Variants in CTNNA3 observed in about 807,000 individuals in gnomAD.
CTNNA3 encodes the protein catenin alpha 3, also known as catenin alpha-3.
CTNNA3 carries 76 observed loss-of-function variants against 95.7 expected under a neutral mutation model. The observed-to-expected ratio is 0.79, with a 90% CI of 0.66 to 0.96. The LOEUF is 0.96. Among genes scored for constraint, CTNNA3 ranks in the 40% least tolerant of loss-of-function variants. CTNNA3 has a pLI of 0.00. For synonymous variants in CTNNA3, 431 were observed against 374.4 expected (o/e 1.15, Z -1.74); for missense variants, 1,191 against 1,089.8 (o/e 1.09, Z -1.31).
chr10:66,355,681 CTT>C (rs2132405560), intron 12 of CTNNA3, among the ~76,000 whole-genome samples: 1 of 151,990 alleles, frequency 6.6e-6, no homozygotes, highest in East Asian at 1.9e-4. Flanking sequence ...ACTTTTCACT[CTT>C]TTAACAGTGC....
intron 7 of CTNNA3, among the ~76,000 whole-genome samples, chr10:66,814,879 T>C (rs1842015655): frequency 7.3e-6 from 1 of 136,466 alleles, no homozygotes; most frequent in South Asian, 2.3e-4. Flanking sequence ...TGAGATGGAG[T>C]CTCGCTCTGT....
At chr10:67,287,674 C>T (rs761968757) in intron 5 of CTNNA3, among the ~76,000 whole-genome samples, 12 of 152,146 alleles carry the variant, frequency 7.9e-5, no homozygotes, top group Non-Finnish European at 1.3e-4. Context: ...AGCCTTGAAA[C>T]GCTCATCAGA....
chr10:66,927,321 A>G lies in CTNNA3; in HGVS notation c.1048-151797T>C. 2 of 1,614,172 alleles carry G rather than the reference A, an allele frequency of 1.2e-6. No individual in the cohort carries two copies. The highest frequency in any genetic ancestry group is 1.7e-6 in the Non-Finnish European group (2 of 1,180,048). On this transcript the variant is annotated intron_variant, in intron 7 of 17. Coordinates refer to ENST00000433211, the MANE Select transcript of CTNNA3 (RefSeq NM_013266.4). This position sits in a 1 kb window ranked among gnomAD's most constrained non-coding sequence, Gnocchi z 4.7. Reference sequence around the variant, plus strand: ...ATACCTTCAGACCTGTGACAAATTTACGGAACTTGGATCTGTCCTATAATC... The same window carrying G: ...ATACCTTCAGACCTGTGACAAATTTGCGGAACTTGGATCTGTCCTATAATC...
rs143183961 is a variant in CTNNA3, at chr10:66,341,822, C to T, written c.1732+37330G>A. On this transcript the variant is annotated intron_variant, in intron 12 of 17. Coordinates refer to ENST00000433211, the MANE Select transcript of CTNNA3 (RefSeq NM_013266.4). ...GTGCTGGTCAGGGGGTTGCTTTCTA[C>T]TGTTGATATTATTCTTTGCGTATTA... is the stretch of plus-strand genomic sequence containing the variant. Among the ~76,000 whole-genome samples, 7 of 151,858 alleles carry T rather than the reference C, an allele frequency of 4.6e-5. No individual in the cohort carries two copies. The East Asian group carries it at 1.4e-3, about 29-fold the overall frequency.
intron 3 of CTNNA3, among the ~76,000 whole-genome samples, chr10:67,562,760 C>A (rs917352966): frequency 2.6e-5 from 4 of 152,156 alleles, no homozygotes; most frequent in Non-Finnish European, 5.9e-5. Context: ...AGCCCAAAAT[C>A]TCCTTAAGCT....
intron 5 of CTNNA3, among the ~76,000 whole-genome samples, chr10:67,420,774 T>C (rs1845719764): frequency 6.6e-6 from 1 of 152,172 alleles, no homozygotes; most frequent in African/African-American, 2.4e-5. Flanking sequence ...TTTATTTTCT[T>C]AGAGCACAAA....
intron 5 of CTNNA3, among the ~76,000 whole-genome samples, chr10:67,221,457 T>G (rs1217136168): frequency 6.6e-6 from 1 of 152,250 alleles, no homozygotes; most frequent in Admixed American, 6.5e-5. Flanking sequence ...ACTAAGTTTC[T>G]TAGCCAAGTG....
At chr10:67,528,604 T>G (rs1411835740) in intron 4 of CTNNA3, among the ~76,000 whole-genome samples, 1 of 152,192 alleles carries the variant, frequency 6.6e-6, no homozygotes, top group Non-Finnish European at 1.5e-5. Flanking sequence ...ACATACCCTC[T>G]CTTAATACAA....
chr10:66,439,322 T>C (rs138515902), intron 11 of CTNNA3, among the ~76,000 whole-genome samples: 162 of 152,306 alleles, frequency 1.1e-3, no homozygotes, highest in African/African-American at 3.7e-3. Context: ...AAAAAAAGGA[T>C]ACTATTTACA....
intron 2 of CTNNA3, among the ~76,000 whole-genome samples, chr10:67,626,180 CAAAAA>C (rs59942742): frequency 7.9e-6 from 1 of 126,966 alleles, no homozygotes; most frequent in African/African-American, 2.6e-5. Flanking sequence ...AACCCTGTCT[CAAAAA>C]AAAAAAAAAA....
intron 11 of CTNNA3, among the ~76,000 whole-genome samples, chr10:66,428,264 T>C (rs1252222241): frequency 1.3e-5 from 2 of 152,008 alleles, no homozygotes; most frequent in African/African-American, 4.8e-5. Context: ...AAGTCCTTAG[T>C]GACCTACAAA....
chr10:66,562,568 T>A (rs1177866051), intron 10 of CTNNA3, among the ~76,000 whole-genome samples: 1 of 152,060 alleles, frequency 6.6e-6, no homozygotes, highest in Non-Finnish European at 1.5e-5. Flanking sequence ...AATTTTACTA[T>A]CCTCGATTAC....
At chr10:67,485,369 G>A (rs997057287) in intron 5 of CTNNA3, among the ~76,000 whole-genome samples, 3 of 152,122 alleles carry the variant, frequency 2.0e-5, no homozygotes, top group Non-Finnish European at 4.4e-5. Context: ...AGGAGTAATA[G>A]CTGAAAAACT....
chr10:67,515,422 A>G (rs1839780596), intron 5 of CTNNA3, among the ~76,000 whole-genome samples: 1 of 152,202 alleles, frequency 6.6e-6, no homozygotes, highest in Non-Finnish European at 1.5e-5. Flanking sequence ...CTCCTTTGGG[A>G]CAAACAACTA....
At chr10:67,440,599 G>A (rs1341446507) in intron 5 of CTNNA3, among the ~76,000 whole-genome samples, 1 of 152,114 alleles carries the variant, frequency 6.6e-6, no homozygotes, top group African/African-American at 2.4e-5. Context: ...GGGGGATTGT[G>A]TTACCCCATC....
intron 10 of CTNNA3, among the ~76,000 whole-genome samples, chr10:66,527,551 T>A (rs889114367): frequency 1.3e-5 from 2 of 152,188 alleles, no homozygotes; most frequent in Non-Finnish European, 2.9e-5. Flanking sequence ...ACATATGATG[T>A]CTTTTCTGTT....
At chr10:67,729,490 T>C (rs987323882) in intron 1 of CTNNA3, among the ~76,000 whole-genome samples, 3 of 152,120 alleles carry the variant, frequency 2.0e-5, no homozygotes, top group Admixed American at 2.0e-4. Flanking sequence ...AAAACAAAAA[T>C]TGTCCTAATT....
chr10:66,637,574 G>T (rs909502208), intron 9 of CTNNA3, among the ~76,000 whole-genome samples: 1 of 152,322 alleles, frequency 6.6e-6, no homozygotes, highest in Non-Finnish European at 1.5e-5. Flanking sequence ...TCTGAAGAAA[G>T]AAATCCCACA....
At chr10:66,196,341 A>G (rs951541598) in intron 13 of CTNNA3, among the ~76,000 whole-genome samples, 11 of 152,196 alleles carry the variant, frequency 7.2e-5, no homozygotes, top group African/African-American at 2.7e-4. Context: ...ATCCCGAACC[A>G]GCAAGCACAG....
Sources: gnomAD v4.1 joint callset for allele counts (sites outside exome capture counted in the v4.1 genomes callset) on GRCh38, gnomAD v4.1.1 for gene constraint, Gnocchi (gnomAD v3.1) non-coding constraint, MANE v1.5 for transcripts, NCBI Gene and HGNC (gene_info 2026-07-23, HGNC 2026-07-21) for gene names.